Variants in MBD5 observed in about 807,000 individuals in gnomAD.
MBD5 encodes methyl-CpG-binding domain protein 5.
MBD5 carries 13 observed loss-of-function variants against 117.3 expected under a neutral mutation model. That is an observed-to-expected ratio of 0.11 (90% CI 0.07 to 0.18). The LOEUF (loss-of-function observed/expected upper bound fraction) is 0.18. MBD5 is among the 10% of genes least tolerant of loss of function. MBD5 has a pLI of 1.00. For missense variants in MBD5, 1,879 were observed against 2,093.8 expected (o/e 0.90, Z 2.00); for synonymous variants, 727 against 766.4 (o/e 0.95, Z 0.85).
intron 4 of MBD5, among the ~76,000 whole-genome samples, chr2:148,401,659 A>T (rs1455812010): frequency 2.0e-5 from 3 of 152,154 alleles, no homozygotes; most frequent in African/African-American, 7.2e-5. Flanking sequence ...TATACCCTTT[A>T]AACCCTCTAA....
intron 10 of MBD5, 75 bp downstream of exon 10, chr2:148,486,025 G>A (rs1462746120): frequency 1.4e-6 from 2 of 1,447,246 alleles, no homozygotes; most frequent in Non-Finnish European, 1.9e-6. Context: ...TGGGGGAAAG[G>A]GTGAAAAAAG....
intron 1 of MBD5, among the ~76,000 whole-genome samples, chr2:148,041,659 CAT>C (rs1158285164): frequency 6.6e-6 from 1 of 152,142 alleles, no homozygotes; most frequent in Non-Finnish European, 1.5e-5. Flanking sequence ...TATGCATACT[CAT>C]GTACATCATA....
intron 2 of MBD5, among the ~76,000 whole-genome samples, chr2:148,204,621 T>C (rs1415693688): frequency 4.6e-5 from 7 of 152,222 alleles, no homozygotes; most frequent in Non-Finnish European, 1.0e-4. Flanking sequence ...CTTGTGTCTG[T>C]CTTATCCACA....
At chr2:148,407,744 G>A (rs1006406234) in intron 4 of MBD5, among the ~76,000 whole-genome samples, 1 of 152,180 alleles carries the variant, frequency 6.6e-6, no homozygotes, top group African/African-American at 2.4e-5. Flanking sequence ...GTTTATTTGA[G>A]GGTTTCAGGG....
intron 3 of MBD5, among the ~76,000 whole-genome samples, chr2:148,277,841 T>G (rs1194579613): frequency 1.3e-5 from 2 of 152,214 alleles, no homozygotes; most frequent in Admixed American, 6.5e-5. Context: ...ATAAATGAAT[T>G]GAAGAAATGC....
intron 1 of MBD5, among the ~76,000 whole-genome samples, chr2:148,058,936 T>C (rs1381301699): frequency 1.3e-5 from 2 of 152,206 alleles, no homozygotes; most frequent in Non-Finnish European, 2.9e-5. Flanking sequence ...ATTTGTAAAT[T>C]GTCATTGGAA....
chr2:148,037,474 C>A (rs114688868), intron 1 of MBD5, among the ~76,000 whole-genome samples: 1 of 151,878 alleles, frequency 6.6e-6, no homozygotes, highest in Admixed American at 6.6e-5. Context: ...GTTATATTTA[C>A]ATATGCTTTT....
intron 1 of MBD5, among the ~76,000 whole-genome samples, chr2:148,115,903 C>T (rs1184962701): frequency 1.3e-5 from 2 of 152,066 alleles, no homozygotes; most frequent in African/African-American, 2.4e-5. Flanking sequence ...AGTGCAATGG[C>T]ATGATCATGG....
intron 2 of MBD5, among the ~76,000 whole-genome samples, chr2:148,220,867 G>A (rs376935058): frequency 6.6e-6 from 1 of 151,870 alleles, no homozygotes; most frequent in East Asian, 1.9e-4. Flanking sequence ...TCAAATACTA[G>A]GACTTAATTC....
intron 4 of MBD5, among the ~76,000 whole-genome samples, chr2:148,436,792 T>C (rs1375591079): frequency 1.3e-5 from 2 of 151,986 alleles, no homozygotes; most frequent in Non-Finnish European, 2.9e-5. Flanking sequence ...ATTTTAAATA[T>C]ATTAAATATT....
chr2:148,479,720 G>GTTT (rs34758495), intron 8 of MBD5, among the ~76,000 whole-genome samples: 2,237 of 142,342 alleles, frequency 0.016, 39 homozygotes, highest in Middle Eastern at 0.051. Context: ...TGTCTTTGTT[G>GTTT]TTTTTTTTTT....
intron 4 of MBD5, among the ~76,000 whole-genome samples, chr2:148,445,507 G>A (rs1299516870): frequency 6.6e-6 from 1 of 151,274 alleles, no homozygotes; most frequent in African/African-American, 2.5e-5. Flanking sequence ...TGGTGTATAT[G>A]TGCCACATTT....
intron 1 of MBD5, among the ~76,000 whole-genome samples, chr2:148,164,466 T>C (rs1258342402): frequency 6.6e-6 from 1 of 152,138 alleles, no homozygotes. Context: ...ATTTAAGTAT[T>C]ATATTATTTA....
At chr2:148,419,378 T>C (rs1379889585) in intron 4 of MBD5, among the ~76,000 whole-genome samples, 1 of 152,160 alleles carries the variant, frequency 6.6e-6, no homozygotes, top group Non-Finnish European at 1.5e-5. Flanking sequence ...ACACAAATTC[T>C]TCTATATTTT....
At chr2:148,270,033 A>G (rs1022590268) in intron 3 of MBD5, among the ~76,000 whole-genome samples, 7 of 151,992 alleles carry the variant, frequency 4.6e-5, no homozygotes, top group African/African-American at 1.7e-4. Context: ...CCTCTTGTTC[A>G]TGGATGCAGT....
chr2:148,038,209 AT>A (rs1281016655), intron 1 of MBD5, among the ~76,000 whole-genome samples: 1 of 152,032 alleles, frequency 6.6e-6, no homozygotes, highest in African/African-American at 2.4e-5. Context: ...CAGACACTGG[AT>A]TTCAGTGTAG....
At chr2:148,056,383 G>A (rs1694864480) in intron 1 of MBD5, among the ~76,000 whole-genome samples, 1 of 151,906 alleles carries the variant, frequency 6.6e-6, no homozygotes. Flanking sequence ...CTGATAATGA[G>A]CATTTTCTTG....
intron 4 of MBD5, among the ~76,000 whole-genome samples, chr2:148,374,163 AAACCCAG>A (rs924356040): frequency 6.6e-6 from 1 of 151,998 alleles, no homozygotes; most frequent in African/African-American, 2.4e-5. Flanking sequence ...CCAATTTGCC[AAACCCAG>A]AATGTTGCTT....
intron 4 of MBD5, among the ~76,000 whole-genome samples, chr2:148,351,813 T>G (rs948974188): frequency 6.6e-6 from 1 of 151,990 alleles, no homozygotes; most frequent in African/African-American, 2.4e-5. Context: ...AGAATTGGGG[T>G]GTTTATTGCT....
Sources: allele counts gnomAD v4.1 joint callset (sites outside exome capture counted in the v4.1 genomes callset), GRCh38; gene constraint gnomAD v4.1.1; transcripts MANE v1.5; gene names NCBI Gene and HGNC (gene_info 2026-07-23, HGNC 2026-07-21).